The following FBXL17 variants were observed in gnomAD, a reference collection of about 807,000 sequenced individuals.
FBXL17 encodes the protein F-box and leucine rich repeat protein 17.
A neutral mutation model predicts 66.2 loss-of-function variants in FBXL17; 22 were observed. The ratio of observed to expected loss-of-function variants is 0.33; its 90% CI spans 0.24 to 0.47. The LOEUF (loss-of-function observed/expected upper bound fraction) is 0.47. Ranked by LOEUF, FBXL17 falls within the 20% of genes least tolerant of loss-of-function variation. FBXL17 has a pLI of 1.00. For missense variants in FBXL17, 878 were observed against 948.2 expected, an observed-to-expected ratio of 0.93 and a Z score of 0.97; for synonymous variants, 474 against 400.5, an observed-to-expected ratio of 1.18 and a Z score of -2.19.
chr5:108,292,821 C>T (rs1442717309), intron 4 of FBXL17, among the ~76,000 whole-genome samples: 6 of 152,036 alleles, frequency 3.9e-5, no homozygotes, highest in Non-Finnish European at 5.9e-5. Flanking sequence ...TTGTTGAGGC[C>T]GGGCGTGGTG....
At chr5:108,177,004 T>C (rs1244555279) in intron 6 of FBXL17, among the ~76,000 whole-genome samples, 2 of 152,200 alleles carry the variant, frequency 1.3e-5, no homozygotes, top group Admixed American at 1.3e-4. Flanking sequence ...TTGATGAAGA[T>C]AACTTTCTTC....
chr5:107,924,658 G>C (rs1750441872), intron 7 of FBXL17, among the ~76,000 whole-genome samples: 1 of 152,154 alleles, frequency 6.6e-6, no homozygotes, highest in Non-Finnish European at 1.5e-5. Context: ...ATACTCTACA[G>C]TTCAGCAATT....
intron 6 of FBXL17, among the ~76,000 whole-genome samples, chr5:108,149,844 C>T (rs1165035473): frequency 6.6e-6 from 1 of 152,056 alleles, no homozygotes; most frequent in African/African-American, 2.4e-5. Flanking sequence ...TATTTTTCTG[C>T]TCCTAAATCC....
At chr5:108,236,163 C>T (rs2150092905) in intron 4 of FBXL17, among the ~76,000 whole-genome samples, 1 of 152,000 alleles carries the variant, frequency 6.6e-6, no homozygotes, top group Middle Eastern at 3.4e-3. Flanking sequence ...TGAGCTTGGA[C>T]CATACTGCTG....
chr5:108,368,044 T>C (rs141126269), intron 1 of FBXL17, 91 bp from the exon 2 acceptor site: 1,003 of 1,258,476 alleles, frequency 8.0e-4, no homozygotes, highest in Non-Finnish European at 9.5e-4. Context: ...GTTAACTTTG[T>C]AAAAAGAAAA....
intron 4 of FBXL17, among the ~76,000 whole-genome samples, chr5:108,261,020 T>C (rs1170877338): frequency 6.6e-6 from 1 of 152,050 alleles, no homozygotes; most frequent in African/African-American, 2.4e-5. Flanking sequence ...ATGTGAAGTA[T>C]GAATAAGAAA....
chr5:107,908,580 T>C (rs1204700028), intron 7 of FBXL17, among the ~76,000 whole-genome samples: 1 of 152,192 alleles, frequency 6.6e-6, no homozygotes, highest in African/African-American at 2.4e-5. Flanking sequence ...TAAAGAGCTA[T>C]GGATTTATAG....
chr5:108,193,805 T>C (rs1167526548), intron 5 of FBXL17, among the ~76,000 whole-genome samples: 1 of 152,158 alleles, frequency 6.6e-6, no homozygotes, highest in Non-Finnish European at 1.5e-5. Context: ...GCACCTTCTC[T>C]ATGTATTCTC....
At chr5:108,264,632 T>C (rs1024138881) in intron 4 of FBXL17, among the ~76,000 whole-genome samples, 8 of 152,116 alleles carry the variant, frequency 5.3e-5, no homozygotes, top group Admixed American at 4.6e-4. Flanking sequence ...ATAAATGAAT[T>C]AGGAAGTATT....
intron 7 of FBXL17, among the ~76,000 whole-genome samples, chr5:107,922,966 C>A (rs752237438): frequency 1.3e-5 from 2 of 152,202 alleles, no homozygotes; most frequent in Non-Finnish European, 2.9e-5. Context: ...GTGTTTCTGT[C>A]TAGTGCCTAA....
At chr5:108,074,033 A>G (rs1266991821) in intron 6 of FBXL17, among the ~76,000 whole-genome samples, 12 of 152,184 alleles carry the variant, frequency 7.9e-5, no homozygotes, top group Admixed American at 7.9e-4. Flanking sequence ...TTGACTCTAT[A>G]ACCTGATTTA....
At chr5:108,280,979 A>T (rs1757680077) in intron 4 of FBXL17, among the ~76,000 whole-genome samples, 1 of 151,888 alleles carries the variant, frequency 6.6e-6, no homozygotes, top group South Asian at 2.1e-4. Flanking sequence ...TAACAATTCT[A>T]AATATATATA....
At chr5:108,100,868 C>T (rs888939253) in intron 6 of FBXL17, among the ~76,000 whole-genome samples, 3 of 152,072 alleles carry the variant, frequency 2.0e-5, no homozygotes, top group Non-Finnish European at 2.9e-5. Context: ...CAATTCATTC[C>T]TGGAATTGAG....
chr5:108,090,126 G>A (rs1749134387), intron 6 of FBXL17, among the ~76,000 whole-genome samples: 1 of 152,106 alleles, frequency 6.6e-6, no homozygotes, highest in Admixed American at 6.5e-5. Flanking sequence ...ACCATGCCCA[G>A]CCAAAATTGA....
At chr5:108,320,706 G>C (rs1759578121) in intron 4 of FBXL17, among the ~76,000 whole-genome samples, 1 of 151,824 alleles carries the variant, frequency 6.6e-6, no homozygotes, top group East Asian at 1.9e-4. Flanking sequence ...GTAATTGCTA[G>C]ATTTGTTAAG....
chr5:108,143,347 TCACACACACACACA>T (rs67696841), intron 6 of FBXL17, among the ~76,000 whole-genome samples: 5 of 147,786 alleles, frequency 3.4e-5, no homozygotes, highest in Admixed American at 1.4e-4. Context: ...AACAGCATTC[TCACACACACACACA>T]CACACACACA....
chr5:108,119,473 G>A (rs564955274), intron 6 of FBXL17, among the ~76,000 whole-genome samples: 1 of 152,310 alleles, frequency 6.6e-6, no homozygotes, highest in South Asian at 2.1e-4. Context: ...TCAGTTGGAA[G>A]CAGCATAATA....
At chr5:107,921,333 T>C (rs1580713606) in intron 7 of FBXL17, among the ~76,000 whole-genome samples, 2 of 152,230 alleles carry the variant, frequency 1.3e-5, no homozygotes, top group African/African-American at 4.8e-5. Flanking sequence ...GTGCCAAATA[T>C]GATGCAAGGG....
rs571250287 is a variant in FBXL17, at chr5:108,053,154, A to G, written c.1746-32153T>C. On this transcript the variant is annotated intron_variant, in intron 6 of 8. Coordinates refer to ENST00000542267, the MANE Select transcript of FBXL17 (RefSeq NM_001163315.3). ...TAGGCAGTGGCAAAGACTTCAGGAC[A>G]AAATGCCAAAAGCAACTGCAACAAA... Among the ~76,000 whole-genome samples the G allele has an allele frequency of 3.3e-5, 5 of 152,334 alleles. No individual in the cohort carries two copies. The East Asian group carries it at 9.6e-4, about 29-fold the overall frequency.
Sources: allele counts gnomAD v4.1 joint callset (sites outside exome capture counted in the v4.1 genomes callset), GRCh38; gene constraint gnomAD v4.1.1; transcripts MANE v1.5; gene names NCBI Gene and HGNC (gene_info 2026-07-23, HGNC 2026-07-21).